Variants in DCPH1 observed in about 807,000 individuals in gnomAD.
DCPH1 encodes the protein damage-control phosphatase 1.
chr6:151,459,343 C>G, the DCPH1 span, among the ~76,000 whole-genome samples: 1 of 152,216 alleles, frequency 6.6e-6, no homozygotes, highest in East Asian at 1.9e-4. Flanking sequence ...GTCATGAGAA[C>G]AGTGAATCAT....
At chr6:151,469,290 C>T in the DCPH1 span, 2 of 512,266 alleles carry the variant, frequency 3.9e-6, no homozygotes, top group Non-Finnish European at 6.8e-6. Context: ...CCCCACTACA[C>T]TGTTTTGGGG....
At chr6:151,454,460 A>G in the DCPH1 span, 1 of 716,284 alleles carries the variant, frequency 1.4e-6, no homozygotes, top group East Asian at 2.6e-5. Context: ...GGAGTTTAAT[A>G]TACATGAAGT....
At chr6:151,468,805 G>T in the DCPH1 span, 2 of 1,614,236 alleles carry the variant, frequency 1.2e-6, no homozygotes, top group Non-Finnish European at 1.7e-6. Context: ...TCTGCCTCAT[G>T]AGTACTGTGC....
At chr6:151,454,213 T>G in the DCPH1 span, among the ~76,000 whole-genome samples, 79 of 152,342 alleles carry the variant, frequency 5.2e-4, no homozygotes, top group African/African-American at 1.9e-3. Flanking sequence ...GCCTGTTTGA[T>G]TTCTAAGCTA....
chr6:151,464,996 A>G, the DCPH1 span, among the ~76,000 whole-genome samples: 2 of 152,150 alleles, frequency 1.3e-5, no homozygotes, highest in Non-Finnish European at 2.9e-5. Context: ...CTGTCACTTA[A>G]TTTCTCTGGG....
At chr6:151,463,876 A>G in the DCPH1 span, among the ~76,000 whole-genome samples, 48 of 152,346 alleles carry the variant, frequency 3.2e-4, no homozygotes, top group Non-Finnish European at 6.5e-4. Context: ...AGGTGTAGCC[A>G]TGCCACATAT....
At chr6:151,454,409 G>T in the DCPH1 span, 1 of 574,068 alleles carries the variant, frequency 1.7e-6, no homozygotes, top group Non-Finnish European at 3.1e-6. Context: ...TCTTAATATA[G>T]TAATCATACA....
the DCPH1 span, chr6:151,469,024 G>T: frequency 1.9e-6 from 3 of 1,614,146 alleles, no homozygotes; most frequent in Non-Finnish European, 1.7e-6. Context: ...TCTGCAGCCT[G>T]GGCAAGGGGA....
At chr6:151,453,754 T>C in the DCPH1 span, among the ~76,000 whole-genome samples, 1 of 152,250 alleles carries the variant, frequency 6.6e-6, no homozygotes, top group Non-Finnish European at 1.5e-5. Context: ...TAAAGCTTTT[T>C]TTCTACCTGT....
At chr6:151,458,688 G>A in the DCPH1 span, 1 of 803,394 alleles carries the variant, frequency 1.2e-6, no homozygotes, top group Non-Finnish European at 1.9e-6. Context: ...GTTGAGTTTA[G>A]CAAATCTTAA....
At chr6:151,465,356 C>T in the DCPH1 span, among the ~76,000 whole-genome samples, 3 of 152,054 alleles carry the variant, frequency 2.0e-5, no homozygotes, top group African/African-American at 7.2e-5. Flanking sequence ...TTAGAAAGTG[C>T]TATGAAGAGA....
chr6:151,462,168 A>G, the DCPH1 span, among the ~76,000 whole-genome samples: 1 of 152,276 alleles, frequency 6.6e-6, no homozygotes, highest in Admixed American at 6.5e-5. Context: ...ATATTGAAAG[A>G]TGAAAGTACA....
At chr6:151,461,174 A>G in the DCPH1 span, among the ~76,000 whole-genome samples, 1 of 152,208 alleles carries the variant, frequency 6.6e-6, no homozygotes, top group Non-Finnish European at 1.5e-5. Context: ...GTAGGAGCCA[A>G]AGCTGCCAAA....
the DCPH1 span, among the ~76,000 whole-genome samples, chr6:151,462,937 G>A: frequency 6.6e-6 from 1 of 152,066 alleles, no homozygotes; most frequent in Admixed American, 6.6e-5. Context: ...TTAGGCATAG[G>A]GGCCATGTGG....
chr6:151,465,525 A>C, the DCPH1 span, among the ~76,000 whole-genome samples: 1 of 151,866 alleles, frequency 6.6e-6, no homozygotes, highest in Non-Finnish European at 1.5e-5. Context: ...TTGCAAGGAA[A>C]CCCTGTAGTT....
the DCPH1 span, among the ~76,000 whole-genome samples, chr6:151,455,528 T>C: frequency 6.6e-6 from 1 of 152,236 alleles, no homozygotes; most frequent in African/African-American, 2.4e-5. Flanking sequence ...CTTTTAGATA[T>C]GCATACACAT....
chr6:151,461,700 T>C, the DCPH1 span, among the ~76,000 whole-genome samples: 1 of 152,118 alleles, frequency 6.6e-6, no homozygotes, highest in Non-Finnish European at 1.5e-5. Flanking sequence ...TTTTAGATTA[T>C]TGTGTTGGAA....
At chr6:151,454,797 A>G in the DCPH1 span, 1 of 532,884 alleles carries the variant, frequency 1.9e-6, no homozygotes, top group East Asian at 3.3e-5. Context: ...AATACATTGA[A>G]ATGAAGATAG....
At chr6:151,452,533 A>C in the DCPH1 span, 1 of 1,611,444 alleles carries the variant, frequency 6.2e-7, no homozygotes, top group Non-Finnish European at 8.5e-7. Flanking sequence ...TGCGGCCGGG[A>C]TCGCGGAAAG....
Sources: allele counts gnomAD v4.1 joint callset (sites outside exome capture counted in the v4.1 genomes callset), GRCh38; gene constraint gnomAD v4.1.1; transcripts MANE v1.5; gene names NCBI Gene and HGNC (gene_info 2026-07-23, HGNC 2026-07-21).